The following EPHA3 variants were observed in gnomAD, a reference collection of about 807,000 sequenced individuals.
The protein encoded by EPHA3 is EPH receptor A3, also known as ephrin type-A receptor 3.
A neutral mutation model predicts 107.1 loss-of-function variants in EPHA3; 42 were observed. That is an observed-to-expected ratio of 0.39 (90% CI 0.31 to 0.51). The LOEUF is 0.51. EPHA3 is among the 20% of genes least tolerant of loss of function. EPHA3 has a pLI of 0.78. For missense variants in EPHA3, 1,183 were observed against 1,211.2 expected (o/e 0.98, Z 0.35); for synonymous variants, 461 against 424.8 (o/e 1.09, Z -1.05).
chr3:89,477,285 G>A (rs770489010), intron 16 of EPHA3, among the ~76,000 whole-genome samples: 1 of 152,124 alleles, frequency 6.6e-6, no homozygotes, highest in East Asian at 1.9e-4. Flanking sequence ...TCCTGAGAAA[G>A]AGTATGATCA....
intron 3 of EPHA3, among the ~76,000 whole-genome samples, chr3:89,316,784 G>A (rs922808468): frequency 9.3e-5 from 14 of 151,182 alleles, no homozygotes; most frequent in Non-Finnish European, 1.5e-4. Context: ...AGATTTGCAC[G>A]GAAGTATCAG....
chr3:89,389,288 G>C (rs558792104), intron 5 of EPHA3, among the ~76,000 whole-genome samples: 1 of 152,264 alleles, frequency 6.6e-6, no homozygotes, highest in South Asian at 2.1e-4. Context: ...TGAAAAAACT[G>C]AGAAGGAAAT....
intron 15 of EPHA3, among the ~76,000 whole-genome samples, chr3:89,452,512 A>C (rs55977101): frequency 6.6e-6 from 1 of 152,140 alleles, no homozygotes; most frequent in African/African-American, 2.4e-5. Context: ...AAAAATGTCT[A>C]TTCAGGTCCT....
At chr3:89,216,915 A>C (rs1237918755) in intron 3 of EPHA3, among the ~76,000 whole-genome samples, 7 of 152,126 alleles carry the variant, frequency 4.6e-5, no homozygotes, top group African/African-American at 1.7e-4. Flanking sequence ...ATAAAACCCT[A>C]TGCAAAATAA....
chr3:89,362,515 C>CT (rs546109331), intron 5 of EPHA3, among the ~76,000 whole-genome samples: 3 of 151,236 alleles, frequency 2.0e-5, no homozygotes, highest in East Asian at 3.9e-4. Context: ...ACAGCCTACA[C>CT]TTTTTTTAGT....
At chr3:89,253,173 T>A (rs993452198) in intron 3 of EPHA3, among the ~76,000 whole-genome samples, 5 of 152,102 alleles carry the variant, frequency 3.3e-5, no homozygotes, top group African/African-American at 1.2e-4. Context: ...GTTTTCCCTG[T>A]TAATAACTGT....
chr3:89,263,976 T>C (rs1705480004), intron 3 of EPHA3, among the ~76,000 whole-genome samples: 1 of 152,138 alleles, frequency 6.6e-6, no homozygotes, highest in Admixed American at 6.5e-5. Context: ...CTCAACCCAG[T>C]AGAGTCTGCC....
chr3:89,422,627 A>C (rs1405661309), intron 11 of EPHA3, among the ~76,000 whole-genome samples: 1 of 151,464 alleles, frequency 6.6e-6, no homozygotes, highest in Non-Finnish European at 1.5e-5. Flanking sequence ...GTGGCAAAGA[A>C]CTGTGCAAAT....
intron 5 of EPHA3, among the ~76,000 whole-genome samples, chr3:89,350,618 GTCAAAGTCATTC>G (rs1312740794): frequency 1.3e-5 from 2 of 150,516 alleles, no homozygotes; most frequent in Admixed American, 1.3e-4. Context: ...CTCTCAGCTC[GTCAAAGTCATTC>G]TCCATCCAGC....
intron 3 of EPHA3, among the ~76,000 whole-genome samples, chr3:89,336,085 G>A (rs1440732872): frequency 2.0e-5 from 3 of 151,454 alleles, no homozygotes; most frequent in African/African-American, 4.9e-5. Flanking sequence ...TTTTTTCTTT[G>A]GTATTCTCTA....
intron 5 of EPHA3, among the ~76,000 whole-genome samples, chr3:89,378,269 T>G (rs1426262180): frequency 1.3e-5 from 2 of 152,050 alleles, no homozygotes; most frequent in Non-Finnish European, 2.9e-5. Context: ...AATAAAAAAT[T>G]TTTTAAGTGT....
At chr3:89,477,857 G>C (rs1210784922) in intron 16 of EPHA3, among the ~76,000 whole-genome samples, 1 of 151,826 alleles carries the variant, frequency 6.6e-6, no homozygotes, top group Non-Finnish European at 1.5e-5. Flanking sequence ...CAGTTCACAT[G>C]GAATTTACCT....
chr3:89,165,771 T>A (rs1705048053), intron 2 of EPHA3, among the ~76,000 whole-genome samples: 1 of 152,200 alleles, frequency 6.6e-6, no homozygotes, highest in Admixed American at 6.5e-5. Context: ...CCAAGGCTGT[T>A]CAGGCCTTGA....
At chr3:89,228,238 A>G (rs570778533) in intron 3 of EPHA3, among the ~76,000 whole-genome samples, 65 of 152,082 alleles carry the variant, frequency 4.3e-4, no homozygotes, top group Non-Finnish European at 8.4e-4. Flanking sequence ...CAGAGTGTGT[A>G]TAATTGGCAA....
At chr3:89,379,876 T>C (rs1241945028) in intron 5 of EPHA3, among the ~76,000 whole-genome samples, 1 of 152,172 alleles carries the variant, frequency 6.6e-6, no homozygotes, top group East Asian at 1.9e-4. Flanking sequence ...GATTTCCAAA[T>C]GTTTGAATTG....
At chr3:89,440,228 A>G (rs1709758020) in intron 13 of EPHA3, among the ~76,000 whole-genome samples, 1 of 152,150 alleles carries the variant, frequency 6.6e-6, no homozygotes, top group South Asian at 2.1e-4. Flanking sequence ...TAGCCAAATA[A>G]TTTATCTCTA....
intron 5 of EPHA3, among the ~76,000 whole-genome samples, chr3:89,384,493 A>G (rs1224788498): frequency 6.6e-6 from 1 of 152,200 alleles, no homozygotes; most frequent in Non-Finnish European, 1.5e-5. Context: ...TGGATTGTTT[A>G]CATTTTCTCT....
chr3:89,353,688 C>A (rs1418980422), intron 5 of EPHA3, among the ~76,000 whole-genome samples: 1 of 151,290 alleles, frequency 6.6e-6, no homozygotes, highest in Non-Finnish European at 1.5e-5. Context: ...TCAGCCATCA[C>A]ACCCTGGTAT....
At chr3:89,134,017 A>G (rs376358167) in intron 2 of EPHA3, among the ~76,000 whole-genome samples, 1 of 146,136 alleles carries the variant, frequency 6.8e-6, no homozygotes, top group East Asian at 2.0e-4. Context: ...TGACACTTCA[A>G]AACAACATTT....
Sources: allele counts gnomAD v4.1 joint callset (sites outside exome capture counted in the v4.1 genomes callset), GRCh38; gene constraint gnomAD v4.1.1; transcripts MANE v1.5; gene names NCBI Gene and HGNC (gene_info 2026-07-23, HGNC 2026-07-21).